The following PADI3 variants were observed in gnomAD, a reference collection of about 807,000 sequenced individuals.
The protein encoded by PADI3 is peptidyl arginine deiminase 3.
A neutral mutation model predicts 71.5 loss-of-function variants in PADI3; 53 were observed. The observed-to-expected ratio is 0.74, with a 90% CI of 0.59 to 0.93. The LOEUF (loss-of-function observed/expected upper bound fraction) is 0.93, where lower values mean the gene tolerates loss of function less well. Among genes scored for constraint, PADI3 ranks in the 40% least tolerant of loss-of-function variants. PADI3 has a pLI of 0.00. For synonymous variants in PADI3, 361 were observed against 347.5 expected, an observed-to-expected ratio of 1.04 and a Z score of -0.43; for missense variants, 821 against 868.0, an observed-to-expected ratio of 0.95 and a Z score of 0.68.
intron 5 of PADI3, 98 bp from the exon 6 acceptor site, chr1:17,267,739 C>G: frequency 1.4e-6 from 2 of 1,452,590 alleles, no homozygotes; most frequent in Non-Finnish European, 1.9e-6. Context: ...AGACCCAGGT[C>G]TTGATACCCA....
In PADI3 at chr1:17,276,764, C is replaced by G. The variant is rs770005244; in HGVS notation, c.1453-10C>G. On this transcript the variant is annotated splice_polypyrimidine_tract_variant and intron_variant, in intron 12 of 15. Coordinates refer to ENST00000375460, the MANE Select transcript of PADI3 (RefSeq NM_016233.2). The stretch of plus-strand genomic sequence containing the variant: ...CAGGAGGCTCAGCTGAATCTGTTCT[C>G]TGCACGCAGGGCTTCCGGATGCTCC... The G allele has an allele frequency of 6.2e-7, 1 of 1,613,658 alleles. No homozygotes were observed. The highest frequency in any genetic ancestry group is 8.5e-7 in the Non-Finnish European group (1 of 1,179,766).
rs963710132 is a variant in PADI3, at chr1:17,269,989, T to C, written c.653-244T>C. Among the ~76,000 whole-genome samples the C allele has an allele frequency of 4.6e-5, 7 of 152,138 alleles. No homozygotes were observed. In the East Asian group the frequency reaches 1.2e-3, roughly 25 times the overall value. On this transcript the variant is annotated intron_variant, in intron 6 of 15. Coordinates refer to ENST00000375460, the MANE Select transcript of PADI3 (RefSeq NM_016233.2). ...GGGCTTGGGGTAAACATTACTTTGT[T>C]GGATGCTGCCAAATTGTGCTCCAAA... is the stretch of plus-strand genomic sequence containing the variant.
intron 14 of PADI3, 78 bp downstream of exon 14, chr1:17,280,507 C>T: frequency 6.8e-7 from 1 of 1,479,872 alleles, no homozygotes; most frequent in East Asian, 2.3e-5. Context: ...ATACAGACAT[C>T]TGAGGCTAAC....
rs1264873717 is a variant in PADI3, at chr1:17,276,521, C to A, written c.1310C>A (p.Ser437Ter). The change falls in exon 12 of 16, where the codon TCA (serine) becomes TAA (stop). Residue 437 changes from serine to a stop codon, truncating the protein, a stop_gained and splice_region_variant. Transcript: ENST00000375460. LOFTEE classifies it high-confidence loss of function. ...TTTTTTAACCTCGTGGGTCCCAGGT[C>A]AAGTGGCCGCAGGGTCACCCAGGTG... ...RILIGGNLPG[S>*]SGRRVTQVVR... The A allele has an allele frequency of 1.9e-6, 3 of 1,613,910 alleles. No homozygotes were observed. Among genetic ancestry groups the A allele is most frequent in the Non-Finnish European group, 2.5e-6 (3 of 1,179,986 alleles).
chr1:17,267,788 CA>C (rs1227185130), intron 5 of PADI3, 48 bp from the exon 6 acceptor site: 1 of 1,602,658 alleles, frequency 6.2e-7, no homozygotes, highest in South Asian at 1.1e-5. Context: ...AGGAAGGGGC[CA>C]GGGGCCAGGA....
intron 15 of PADI3, 22 bp from the exon 16 acceptor site, chr1:17,282,824 C>A: frequency 6.4e-7 from 1 of 1,570,500 alleles, no homozygotes; most frequent in Non-Finnish European, 8.7e-7. Flanking sequence ...TGATGAAGTG[C>A]TGCTTCCCCT....
intron 15 of PADI3, among the ~76,000 whole-genome samples, chr1:17,281,985 T>A (rs1045088783): frequency 3.3e-5 from 5 of 152,182 alleles, no homozygotes; most frequent in Non-Finnish European, 5.9e-5. Flanking sequence ...GAACTCAATT[T>A]GCCCATTGTC....
chr1:17,268,051 C>A, intron 6 of PADI3, 89 bp downstream of exon 6: 1 of 1,510,824 alleles, frequency 6.6e-7, no homozygotes, highest in Non-Finnish European at 9.1e-7. Flanking sequence ...GGGCCATGGG[C>A]AGGTCCTGCT....
chr1:17,266,272 T>C (rs1421533660), intron 4 of PADI3, among the ~76,000 whole-genome samples: 1 of 152,102 alleles, frequency 6.6e-6, no homozygotes, highest in Non-Finnish European at 1.5e-5. Flanking sequence ...CTTGGTGCCC[T>C]GGGAGTTAAG....
intron 1 of PADI3, among the ~76,000 whole-genome samples, chr1:17,249,723 T>G (rs1200958326): frequency 6.6e-6 from 1 of 152,242 alleles, no homozygotes; most frequent in African/African-American, 2.4e-5. Flanking sequence ...AGTTAAGTTT[T>G]GAACTTTAAT....
chr1:17,264,911 A>C (rs1262094409), intron 3 of PADI3, among the ~76,000 whole-genome samples: 1 of 151,608 alleles, frequency 6.6e-6, no homozygotes, highest in Admixed American at 6.6e-5. Context: ...CAGGAGGCTG[A>C]AGTGGGAGGA....
At chr1:17,253,135 G>A (rs879068625) in intron 1 of PADI3, among the ~76,000 whole-genome samples, 1 of 152,226 alleles carries the variant, frequency 6.6e-6, no homozygotes, top group Admixed American at 6.5e-5. Flanking sequence ...AGAAGAAACT[G>A]AGTCACAGAG....
intron 4 of PADI3, 95 bp downstream of exon 4, chr1:17,265,815 T>A (rs1008778706): frequency 1.3e-5 from 14 of 1,099,740 alleles, no homozygotes; most frequent in Admixed American, 1.2e-4. Context: ...GATATCCCCC[T>A]GCCTCCCAGC....
chr1:17,255,292 T>A (rs575459415), intron 1 of PADI3, among the ~76,000 whole-genome samples: 1 of 152,346 alleles, frequency 6.6e-6, no homozygotes, highest in East Asian at 1.9e-4. Flanking sequence ...TACCACATTT[T>A]ACCCCCAACT....
chr1:17,280,199 G>A, intron 13 of PADI3, 151 bp from the exon 14 acceptor site: 1 of 672,146 alleles, frequency 1.5e-6, no homozygotes. Flanking sequence ...TCAGACAGGT[G>A]GAACCCACCC....
chr1:17,270,742 T>A, intron 7 of PADI3, 137 bp from the exon 8 acceptor site: 1 of 679,464 alleles, frequency 1.5e-6, no homozygotes, highest in East Asian at 2.7e-5. Flanking sequence ...CCAGACTTCT[T>A]GACCACCCCT....
In PADI3 at chr1:17,282,771, C is replaced by G. The variant is rs1002235696; in HGVS notation, c.1762-75C>G. 2.7e-6 allele frequency: 3 copies of G among 1,120,570 alleles called. No homozygotes were observed. The South Asian group carries it at 4.4e-5, about 16-fold the overall frequency. The allele number at this position is 1,120,570 out of a possible 1,614,324, so 69.4% of individuals were successfully genotyped here. ...TGACAAGGCTGTCTAAAACACAAAC[C>G]TAGGTCCTGCAGGTAGAGTAGAGGT... On this transcript the variant is annotated intron_variant, in intron 15 of 15. Transcript: ENST00000375460.
intron 1 of PADI3, among the ~76,000 whole-genome samples, chr1:17,256,441 C>G (rs2100559238): frequency 6.6e-6 from 1 of 152,378 alleles, no homozygotes; most frequent in African/African-American, 2.4e-5. Flanking sequence ...GCAGCCCCTC[C>G]CTTCCCCAAC....
rs988796925 is a variant in PADI3, at chr1:17,265,667, C to G, written c.355C>G (p.Leu119Val). The G allele has an allele frequency of 1.2e-6, 2 of 1,614,038 alleles. No individual in the cohort carries two copies. Among genetic ancestry groups the G allele is most frequent in the Admixed American group, 1.7e-5 (1 of 60,000 alleles). The change falls in exon 4 of 16, where the codon CTG (leucine) becomes GTG (valine). Residue 119 changes from leucine to valine, a missense_variant. By Grantham distance (32) the Leu-to-Val change is conservative. Coordinates refer to ENST00000375460, the MANE Select transcript of PADI3 (RefSeq NM_016233.2). The stretch of plus-strand genomic sequence containing the variant: ...TCTGCCTCCTCTTGCAGACATCTCT[C>G]TGGATTGCGACCTGAACTGTGAGGG... ...VLYLTCVDIS[L>V]DCDLNCEGRQ...
Sources: allele counts gnomAD v4.1 joint callset (sites outside exome capture counted in the v4.1 genomes callset), GRCh38; gene constraint gnomAD v4.1.1; transcripts MANE v1.5; gene names NCBI Gene and HGNC (gene_info 2026-07-23, HGNC 2026-07-21).